Variants in PTPRD observed in about 807,000 individuals in gnomAD.
The protein encoded by PTPRD is receptor-type tyrosine-protein phosphatase delta.
Under a neutral mutation model 214.5 loss-of-function variants are expected in PTPRD, and 34 were observed. That is an observed-to-expected ratio of 0.16 (90% confidence interval 0.12 to 0.21). PTPRD has a LOEUF of 0.21. PTPRD is among the 10% of genes least tolerant of loss of function. The pLI, the probability that PTPRD is intolerant of heterozygous loss-of-function variation, is 1.00. For synonymous variants in PTPRD, 1,128 were observed against 845.7 expected (o/e 1.33, Z -5.79); for missense variants, 2,545 against 2,398.7 (o/e 1.06, Z -1.27).
chr9:8,808,051 C>G (rs1000743072), intron 11 of PTPRD, among the ~76,000 whole-genome samples: 1 of 152,290 alleles, frequency 6.6e-6, no homozygotes, highest in African/African-American at 2.4e-5. Context: ...TGCACAAGGT[C>G]ATGAAAGTCC....
intron 12 of PTPRD, among the ~76,000 whole-genome samples, chr9:8,717,967 G>C (rs1597851480): frequency 6.6e-6 from 1 of 152,156 alleles, no homozygotes; most frequent in East Asian, 1.9e-4. Flanking sequence ...TCTGACAGCA[G>C]TGACTTGGGT....
chr9:9,396,044 G>A (rs2067679192), intron 9 of PTPRD, among the ~76,000 whole-genome samples: 1 of 151,948 alleles, frequency 6.6e-6, no homozygotes, highest in Admixed American at 6.6e-5. Context: ...ATCCTTTACA[G>A]TTTACCCTGG....
In PTPRD at chr9:9,989,037, A is replaced by AAAAAAAAAAAAAAAAAAAC. The variant is rs1555436290; in HGVS notation, c.-472+44680_-472+44681insGTTTTTTTTTTTTTTTTTT. 2.5e-5 allele frequency among the ~76,000 whole-genome samples: 3 copies of AAAAAAAAAAAAAAAAAAAC among 121,364 alleles called. 1 individual carries two copies. Among genetic ancestry groups the AAAAAAAAAAAAAAAAAAAC allele is most frequent in the Non-Finnish European group, 3.7e-5 (2 of 53,388 alleles). The allele number at this position is 121,364 out of a possible 152,430, so 79.6% of individuals were successfully genotyped here. On this transcript the variant is annotated intron_variant, in intron 4 of 45. Coordinates refer to ENST00000381196, the MANE Select transcript of PTPRD (RefSeq NM_002839.4). ...TGACCAAAAAAAAAAAAAAAAAAAAAAAAAAAAACCACAGACTTTACACAG... is the reference window on the plus strand; with the variant it reads ...TGACCAAAAAAAAAAAAAAAAAAAAAAAAAAAAAAAAAAAAAAACAAAAAAAACCACAGACTTTACACAG...
intron 7 of PTPRD, among the ~76,000 whole-genome samples, chr9:9,629,047 A>C (rs1228479558): frequency 6.6e-6 from 1 of 151,464 alleles, no homozygotes; most frequent in Non-Finnish European, 1.5e-5. Context: ...GGTGGTGTGC[A>C]CCTGTAATCC....
At chr9:9,596,334 T>C (rs2093350229) in intron 7 of PTPRD, among the ~76,000 whole-genome samples, 1 of 152,008 alleles carries the variant, frequency 6.6e-6, no homozygotes, top group Non-Finnish European at 1.5e-5. Flanking sequence ...GTTACACATA[T>C]ATTATATAGA....
intron 7 of PTPRD, among the ~76,000 whole-genome samples, chr9:9,657,434 A>G (rs1180089342): frequency 6.6e-6 from 1 of 152,090 alleles, no homozygotes; most frequent in Non-Finnish European, 1.5e-5. Flanking sequence ...GGAGAACATC[A>G]CACACCGGGG....
At chr9:10,123,281 T>C (rs529104779) in intron 3 of PTPRD, among the ~76,000 whole-genome samples, 24 of 152,336 alleles carry the variant, frequency 1.6e-4, no homozygotes, top group Admixed American at 1.1e-3. Context: ...ACTTTAATTA[T>C]AAAAATTATC....
At chr9:10,562,802 C>T (rs1370179356) in intron 2 of PTPRD, among the ~76,000 whole-genome samples, 1 of 152,076 alleles carries the variant, frequency 6.6e-6, no homozygotes, top group African/African-American at 2.4e-5. Context: ...ACCTTTCAGT[C>T]ATGTGACTAT....
At chr9:9,185,779 A>C (rs932880639) in intron 9 of PTPRD, among the ~76,000 whole-genome samples, 1 of 152,114 alleles carries the variant, frequency 6.6e-6, no homozygotes, top group African/African-American at 2.4e-5. Flanking sequence ...TATATTAATA[A>C]AGCATTTCTC....
chr9:9,775,726 G>A (rs1003513049), intron 5 of PTPRD, among the ~76,000 whole-genome samples: 31 of 152,012 alleles, frequency 2.0e-4, no homozygotes, highest in Non-Finnish European at 1.9e-4. Context: ...GGTGGATCAC[G>A]AGGTCAGGAG....
At chr9:9,981,564 G>A (rs2095545612) in intron 4 of PTPRD, among the ~76,000 whole-genome samples, 2 of 151,614 alleles carry the variant, frequency 1.3e-5, no homozygotes, top group Admixed American at 1.3e-4. Flanking sequence ...GTTCCACCGT[G>A]TTAGCCAGGA....
chr9:9,364,114 G>T (rs2057155129), intron 9 of PTPRD, among the ~76,000 whole-genome samples: 1 of 151,184 alleles, frequency 6.6e-6, no homozygotes, highest in Admixed American at 6.6e-5. Flanking sequence ...AAGGCCTATT[G>T]CCTCTCTTAA....
chr9:9,292,711 A>C (rs1595297871), intron 9 of PTPRD, among the ~76,000 whole-genome samples: 2 of 151,204 alleles, frequency 1.3e-5, no homozygotes, highest in Admixed American at 1.3e-4. Flanking sequence ...TATATTTAAT[A>C]GTCATATCTC....
chr9:8,323,677 C>T (rs141788509), intron 44 of PTPRD, among the ~76,000 whole-genome samples: 22 of 152,240 alleles, frequency 1.4e-4, no homozygotes, highest in African/African-American at 4.3e-4. Context: ...CATGATAAAA[C>T]CTGAATACAT....
In PTPRD at chr9:8,950,567, A is replaced by G. The variant is rs1371951404; in HGVS notation, c.-104+68130T>C. On this transcript the variant is annotated intron_variant, in intron 11 of 45. Coordinates refer to ENST00000381196, the MANE Select transcript of PTPRD (RefSeq NM_002839.4). ...TCAAATAACAGAGCTCTCTGTAATGAAAACATATTTTCAGATGTCATAACA... is the reference window on the plus strand; with the variant it reads ...TCAAATAACAGAGCTCTCTGTAATGGAAACATATTTTCAGATGTCATAACA... 2.0e-5 allele frequency among the ~76,000 whole-genome samples: 3 copies of G among 152,256 alleles called. No individual in the cohort carries two copies. The East Asian group carries it at 5.8e-4, about 29-fold the overall frequency.
chr9:9,185,871 T>C (rs2099931073), intron 9 of PTPRD, among the ~76,000 whole-genome samples: 1 of 107,762 alleles, frequency 9.3e-6, no homozygotes, highest in East Asian at 3.0e-4. Context: ...ATAATTTTTT[T>C]TCTTTTTTTT....
At chr9:9,401,846 G>A (rs983448323) in intron 8 of PTPRD, among the ~76,000 whole-genome samples, 3 of 151,830 alleles carry the variant, frequency 2.0e-5, no homozygotes, top group Admixed American at 6.6e-5. Context: ...CTCTTGGCTC[G>A]GCAATTCTTT....
At chr9:9,226,596 T>G (rs1394676269) in intron 9 of PTPRD, among the ~76,000 whole-genome samples, 3 of 151,962 alleles carry the variant, frequency 2.0e-5, no homozygotes, top group Non-Finnish European at 4.4e-5. Flanking sequence ...TTGTATTGTT[T>G]CAAGGTTTTG....
In PTPRD at chr9:9,613,131, CATACATATATATATAT is replaced by C. The variant is rs1242153079; in HGVS notation, c.-286-38366_-286-38351del. Among the ~76,000 whole-genome samples the C allele has an allele frequency of 1.1e-3, 43 of 40,906 alleles. 2 individuals are homozygous for C. The Middle Eastern group carries it at 0.081, about 77-fold the overall frequency. The allele number at this position is 40,906 out of a possible 152,430, so 26.8% of individuals were successfully genotyped here. On this transcript the variant is annotated intron_variant, in intron 7 of 45. Coordinates refer to ENST00000381196, the MANE Select transcript of PTPRD (RefSeq NM_002839.4). ...TAATAGCTAGGCTGCAGTATACATA[CATACATATATATATAT>C]ATATATATATATATATATATATATA...
Sources: gnomAD v4.1 joint callset for allele counts (sites outside exome capture counted in the v4.1 genomes callset) on GRCh38, gnomAD v4.1.1 for gene constraint, MANE v1.5 for transcripts, NCBI Gene and HGNC (gene_info 2026-07-23, HGNC 2026-07-21) for gene names.